POLA2: variants seen among roughly 807,000 people sequenced by gnomAD.
The protein encoded by POLA2 is DNA polymerase alpha subunit B.
POLA2 carries 47 observed loss-of-function variants against 82.8 expected under a neutral mutation model. The ratio of observed to expected loss-of-function variants is 0.57; its 90% CI spans 0.45 to 0.72. POLA2 has a LOEUF of 0.72. POLA2 is among the 30% of genes least tolerant of loss of function. POLA2 has a pLI of 0.00. For missense variants in POLA2, 634 were observed against 728.1 expected (o/e 0.87, Z 1.49); for synonymous variants, 287 against 286.8 (o/e 1.00, Z -0.01).
At position 65,275,904 on chromosome 11, in the gene POLA2, C is replaced by T. The variant is rs567561561; in HGVS notation, c.367C>T (p.Arg123Ter). 4.4e-6 allele frequency: 7 copies of T among 1,603,194 alleles called. No homozygotes were observed. The highest frequency in any genetic ancestry group is 1.1e-5 in the South Asian group (1 of 89,258). Residue 123 changes from arginine (R) to a stop codon, truncating the protein, a stop_gained, in exon 5 of 18, where the codon CGA becomes TGA. Coordinates refer to ENST00000265465, the MANE Select transcript of POLA2 (RefSeq NM_002689.4). LOFTEE classifies it high-confidence loss of function. ...YTTPSKGSQK[R>*]AISTPETPLT... is the part of the protein sequence containing the mutation. ...TTTTTTTCCCTAGGGTTCTCAGAAG[C>T]GAGCTATCTCTACCCCAGAAACCCC...
At chr11:65,289,485 G>C (rs1044946630) in intron 12 of POLA2, among the ~76,000 whole-genome samples, 1 of 152,208 alleles carries the variant, frequency 6.6e-6, no homozygotes, top group African/African-American at 2.4e-5. Flanking sequence ...TCCTTCCTGG[G>C]ACATCTCCAT....
downstream of POLA2, among the ~76,000 whole-genome samples, chr11:65,301,181 G>A (rs1219151740): frequency 2.6e-5 from 4 of 152,112 alleles, no homozygotes; most frequent in African/African-American, 9.7e-5. Flanking sequence ...GACAGAGGGC[G>A]AGAGAGGGGT....
At chr11:65,265,805 G>T (rs1006441174) in intron 1 of POLA2, among the ~76,000 whole-genome samples, 4 of 152,296 alleles carry the variant, frequency 2.6e-5, no homozygotes, top group Admixed American at 2.6e-4. Context: ...AGCTTTGCTT[G>T]TGTCACCGCT....
intron 14 of POLA2, 108 bp from the exon 15 acceptor site, chr11:65,294,438 G>A: frequency 9.7e-7 from 1 of 1,032,140 alleles, no homozygotes; most frequent in Non-Finnish European, 1.5e-6. Context: ...ATGTTGGTTT[G>A]GTCCCCCTTT....
chr11:65,273,992 A>T (rs1949549299), intron 4 of POLA2, among the ~76,000 whole-genome samples: 1 of 152,222 alleles, frequency 6.6e-6, no homozygotes, highest in African/African-American at 2.4e-5. Flanking sequence ...TAATCACTGA[A>T]AATTACAAGC....
rs780391108 is a variant in POLA2 at position 65,279,570 on chromosome 11, G to A, written c.688G>A (p.Glu230Lys). 8.1e-6 allele frequency: 13 copies of A among 1,613,612 alleles called. No individual in the cohort carries two copies. The highest frequency in any genetic ancestry group is 5.0e-5 in the Admixed American group (3 of 59,978). The change falls in exon 7 of 18, where the codon GAA (glutamate) becomes AAA (lysine). Residue 230 changes from glutamate to lysine, a missense_variant. Coordinates refer to ENST00000265465, the MANE Select transcript of POLA2 (RefSeq NM_002689.4). ...CTGTAAGATAGAAGAACTTGGCAGC[G>A]AACTCAAGGAACATTACAAGATTGA... Reference protein sequence around the residue: ...LTCKIEELGSELKEHYKIEAF... With the variant: ...LTCKIEELGSKLKEHYKIEAF...
At chr11:65,294,391 T>G in intron 14 of POLA2, 130 bp downstream of exon 14, 1 of 996,996 alleles carries the variant, frequency 1.0e-6, no homozygotes, top group Non-Finnish European at 1.6e-6. Flanking sequence ...TTAAACTCCT[T>G]TTTTTAAACA....
In POLA2 at chr11:65,288,652, T is replaced by C. The variant is rs576751138; in HGVS notation, c.1132-398T>C. ...TCCTCCCTGAGTCTTCCGAATAGCTTGGACTACAGGCACACGCCACCATGC... is the reference window on the plus strand; with the variant it reads ...TCCTCCCTGAGTCTTCCGAATAGCTCGGACTACAGGCACACGCCACCATGC... On this transcript the variant is annotated intron_variant, in intron 11 of 17. Transcript: ENST00000265465. 3.1e-4 allele frequency among the ~76,000 whole-genome samples: 47 copies of C among 151,886 alleles called. 1 individual carries two copies. Among genetic ancestry groups the C allele is most frequent in the Non-Finnish European group, 6.2e-4 (42 of 67,966 alleles).
Position 65,288,780 on chromosome 11 carries a change from A to G in POLA2, c.1132-270A>G, listed in dbSNP as rs147816034. On this transcript the variant is annotated intron_variant, in intron 11 of 17. Coordinates refer to ENST00000265465, the MANE Select transcript of POLA2 (RefSeq NM_002689.4). ...GGCAATCTGCCCACCTCAGCTTCCC[A>G]AAGTGCTAGGATTACAGATGTGAGC... 8.9e-4 allele frequency among the ~76,000 whole-genome samples: 136 copies of G among 152,252 alleles called. 2 individuals carry two copies. The highest frequency in any genetic ancestry group is 2.8e-3 in the African/African-American group (116 of 41,544).
intron 10 of POLA2, among the ~76,000 whole-genome samples, chr11:65,284,562 C>T (rs180878318): frequency 7.1e-4 from 105 of 148,036 alleles, no homozygotes; most frequent in Middle Eastern, 7.0e-3. Flanking sequence ...GAGTTTCACT[C>T]GTTGCCCAGG....
At chr11:65,271,951 A>G (rs1337792346) in intron 4 of POLA2, among the ~76,000 whole-genome samples, 1 of 152,164 alleles carries the variant, frequency 6.6e-6, no homozygotes, top group African/African-American at 2.4e-5. Context: ...TGCTTAGAAC[A>G]GTACTTATCA....
At chr11:65,294,865 G>A (rs1296375420) in intron 15 of POLA2, 14 of 423,200 alleles carry the variant, frequency 3.3e-5, no homozygotes, top group Non-Finnish European at 5.0e-5. Flanking sequence ...TCTAAACTGC[G>A]TTTGAGACCC....
exon 9 of POLA2, chr11:65,305,485 C>T: frequency 6.9e-6 from 3 of 436,426 alleles, no homozygotes; most frequent in South Asian, 1.6e-5. Flanking sequence ...GCACAGTCTC[C>T]AAGAAGGACA....
chr11:65,287,801 T>A lies in POLA2; in HGVS notation c.1092T>A (p.Ile364=), dbSNP rs1356424402. ...SITYDPLLDL[I]AVINHDRPDV... Reference sequence around the variant, plus strand: ...CGTATGACCCCCTGCTTGACCTGATTGCTGTCATCAACCATGACCGGCCAG... The same window carrying A: ...CGTATGACCCCCTGCTTGACCTGATAGCTGTCATCAACCATGACCGGCCAG... The change falls in exon 11 of 18, where the codon ATT becomes ATA. Residue 364 remains isoleucine (I), a synonymous_variant. Transcript: ENST00000265465. The A allele has an allele frequency of 1.2e-6, 2 of 1,613,894 alleles. No individual in the cohort carries two copies. Among genetic ancestry groups the A allele is most frequent in the Non-Finnish European group, 1.7e-6 (2 of 1,179,932 alleles).
In POLA2 at chr11:65,267,525, A is replaced by G. The variant is rs1199488315; in HGVS notation, c.253A>G (p.Ser85Gly). The G allele has an allele frequency of 6.2e-7, 1 of 1,612,690 alleles. No homozygotes were observed. Among genetic ancestry groups the G allele is most frequent in the Non-Finnish European group, 8.5e-7 (1 of 1,179,356 alleles). Residue 85 changes from serine (S) to glycine (G), a missense_variant, in exon 3 of 18, where the codon AGT (serine) becomes GGT (glycine). Transcript: ENST00000265465. ...AGCCAGGCATAGTACCTGCAAGGAC[A>G]GTGGCCATGCAGGAGCTAGAGACAT... Reference protein sequence around the residue: ...SKARHSTCKDSGHAGARDIVS... With the variant: ...SKARHSTCKDGGHAGARDIVS...
At chr11:65,301,893 G>T (rs760397097), downstream of POLA2, among the ~76,000 whole-genome samples, 1 of 152,140 alleles carries the variant, frequency 6.6e-6, no homozygotes, top group East Asian at 1.9e-4. Context: ...TGCTGCTTTC[G>T]TGGGTCAGCC....
At chr11:65,275,770 C>A in intron 4 of POLA2, 122 bp from the exon 5 acceptor site, 1 of 462,654 alleles carries the variant, frequency 2.2e-6, no homozygotes. Flanking sequence ...AGAAGAGAAC[C>A]CACCCAGTCC....
chr11:65,300,938 G>GTT (rs1352756495), downstream of POLA2, among the ~76,000 whole-genome samples: 1 of 152,238 alleles, frequency 6.6e-6, no homozygotes, highest in Non-Finnish European at 1.5e-5. Flanking sequence ...GCAGCAGCAT[G>GTT]TATCAGTCCG....
At chr11:65,292,096 A>G (rs1949761182) in intron 13 of POLA2, among the ~76,000 whole-genome samples, 1 of 152,178 alleles carries the variant, frequency 6.6e-6, no homozygotes, top group African/African-American at 2.4e-5. Flanking sequence ...AAAATTAGCC[A>G]GATGTGGTGG....
Sources: gnomAD v4.1 joint callset for allele counts (sites outside exome capture counted in the v4.1 genomes callset) on GRCh38, gnomAD v4.1.1 for gene constraint, MANE v1.5 for transcripts, NCBI Gene and HGNC (gene_info 2026-07-23, HGNC 2026-07-21) for gene names.